TSPEAR: variants seen among roughly 807,000 people sequenced by gnomAD.
The protein encoded by TSPEAR is thrombospondin-type laminin G domain and EAR repeat-containing protein.
A neutral mutation model predicts 71.6 loss-of-function variants in TSPEAR; 69 were observed. The observed-to-expected ratio is 0.96, with a 90% CI of 0.79 to 1.18. The LOEUF (loss-of-function observed/expected upper bound fraction) is 1.18, where lower values mean the gene tolerates loss of function less well. Ranked by LOEUF, TSPEAR falls within the 50% of genes most tolerant of loss-of-function variation. The probability of loss-of-function intolerance (pLI) is 0.00; values close to 1 mark genes in which losing one functional copy is unlikely to be tolerated. For synonymous variants in TSPEAR, 402 were observed against 387.2 expected (o/e 1.04, Z -0.45); for missense variants, 971 against 894.9 (o/e 1.09, Z -1.09).
chr21:44,676,240 C>T (rs17284167), intron 1 of TSPEAR: 54,982 of 1,313,482 alleles, frequency 0.042, 1,342 homozygotes, highest in Middle Eastern at 0.066. Context: ...AGCATAAAAG[C>T]GGACTCTAAG....
intron 1 of TSPEAR, among the ~76,000 whole-genome samples, chr21:44,704,814 C>A (rs1358762677): frequency 1.5e-5 from 2 of 130,146 alleles, no homozygotes; most frequent in African/African-American, 5.5e-5. Context: ...GCAGCTCCCA[C>A]CCAGTGTCAC....
At position 44,585,427 on chromosome 21, in the gene TSPEAR, G is replaced by C. The variant is rs143955708; in HGVS notation, c.83-17422C>G. Among the ~76,000 whole-genome samples, 19 of 152,234 alleles carry C rather than the reference G, an allele frequency of 1.2e-4. No individual in the cohort carries two copies. In the East Asian group the frequency reaches 3.7e-3, roughly 29 times the overall value. On this transcript the variant is annotated intron_variant, in intron 1 of 11. Transcript: ENST00000323084. ...ATCCCCTCGGTCCCATCTTCTTTTA[G>C]TTCAAGGAACTTTTATTCCCATATG...
intron 8 of TSPEAR, among the ~76,000 whole-genome samples, chr21:44,523,778 A>C (rs1259971525): frequency 6.6e-6 from 1 of 151,064 alleles, no homozygotes; most frequent in African/African-American, 2.5e-5. Context: ...GTAGTTAATC[A>C]GTTAGTCAGT....
At chr21:44,624,485 A>G (rs782629640) in intron 1 of TSPEAR, among the ~76,000 whole-genome samples, 21 of 152,172 alleles carry the variant, frequency 1.4e-4, no homozygotes, top group Non-Finnish European at 2.6e-4. Context: ...TTCCAAGATG[A>G]TTTGAGCCTC....
At position 44,509,239 on chromosome 21, in the gene TSPEAR, C is replaced by G. The variant is rs140706843; in HGVS notation, c.1714G>C (p.Ala572Pro). 67 of 1,613,924 alleles carry G rather than the reference C, an allele frequency of 4.2e-5. No individual in the cohort carries two copies. Among genetic ancestry groups the G allele is most frequent in the Non-Finnish European group, 5.4e-5 (64 of 1,180,008 alleles). ...TCCTGGAACTTGACAAAGGCCTGCG[C>G]GGTCACGTTCAGCTCGTAGATGACG... is the stretch of plus-strand genomic sequence containing the variant. ...NSVIYELNVT[A>P]QAFVKFQDIL... The change falls in exon 10 of 12, where the codon GCG becomes CCG. Residue 572 changes from alanine (A) to proline (P), a missense_variant. Transcript: ENST00000323084.
intron 2 of TSPEAR, among the ~76,000 whole-genome samples, chr21:44,565,920 T>G (rs907007875): frequency 4.6e-5 from 7 of 152,204 alleles, no homozygotes; most frequent in African/African-American, 1.7e-4. Flanking sequence ...CAGAAATCAA[T>G]GGTATTTCAG....
At chr21:44,653,375 G>A (rs587776258) in intron 1 of TSPEAR, among the ~76,000 whole-genome samples, 52 of 152,196 alleles carry the variant, frequency 3.4e-4, no homozygotes, top group South Asian at 2.9e-3. Flanking sequence ...GCTGAAACCC[G>A]GGGCGGAGCC....
chr21:44,675,948 C>A, intron 1 of TSPEAR: 1 of 820,098 alleles, frequency 1.2e-6, no homozygotes, highest in South Asian at 1.3e-5. Flanking sequence ...TGTTTCGTTT[C>A]TAGGGTTATT....
chr21:44,628,946 G>C (rs1477768668), intron 1 of TSPEAR, among the ~76,000 whole-genome samples: 1 of 116,700 alleles, frequency 8.6e-6, no homozygotes, highest in Non-Finnish European at 1.9e-5. Context: ...GGTGGGTGGA[G>C]GGCCGGTGGG....
intron 1 of TSPEAR, among the ~76,000 whole-genome samples, chr21:44,616,037 C>G (rs905150567): frequency 6.6e-6 from 1 of 152,218 alleles, no homozygotes; most frequent in South Asian, 2.1e-4. Context: ...GGAGGCCACA[C>G]AGAGAAGACC....
intron 1 of TSPEAR, among the ~76,000 whole-genome samples, chr21:44,578,724 T>G (rs1978640977): frequency 6.6e-6 from 1 of 152,056 alleles, no homozygotes; most frequent in African/African-American, 2.4e-5. Context: ...GCCTACTTAC[T>G]AAAACAGTTC....
In TSPEAR at chr21:44,609,932, G is replaced by A. The variant is rs1364886640; in HGVS notation, c.83-41927C>T. Among the ~76,000 whole-genome samples, 3 of 152,120 alleles carry A rather than the reference G, an allele frequency of 2.0e-5. No individual in the cohort carries two copies. In the East Asian group the frequency reaches 5.8e-4, roughly 29 times the overall value. ...AGAGAAAGTACTTTCCTCCACAATA[G>A]GAAATCAGATCATACCTGAAATTGA... On this transcript the variant is annotated intron_variant, in intron 1 of 11. Transcript: ENST00000323084.
intron 3 of TSPEAR, among the ~76,000 whole-genome samples, chr21:44,532,053 A>G (rs1289376055): frequency 2.0e-5 from 3 of 152,206 alleles, no homozygotes; most frequent in Non-Finnish European, 4.4e-5. Context: ...CGTCCTCTGC[A>G]CACAGCTCGG....
intron 1 of TSPEAR, chr21:44,592,644 G>A (rs1259914628): frequency 1.2e-5 from 14 of 1,133,258 alleles, no homozygotes; most frequent in Non-Finnish European, 1.6e-5. Flanking sequence ...TTGTTCGCCC[G>A]TGATGTGGGC....
intron 1 of TSPEAR, chr21:44,601,425 C>T (rs782341522): frequency 7.4e-6 from 12 of 1,610,866 alleles, no homozygotes; most frequent in East Asian, 4.5e-5. Context: ...GCTGCGTGCC[C>T]GTCTGCTGTA....
intron 1 of TSPEAR, among the ~76,000 whole-genome samples, chr21:44,575,742 G>A (rs587751366): frequency 5.3e-5 from 8 of 152,280 alleles, no homozygotes; most frequent in South Asian, 2.1e-4. Flanking sequence ...AGTCTTCATC[G>A]ACATTGCCTA....
chr21:44,525,781 A>G lies in TSPEAR; in HGVS notation c.1208T>C (p.Ile403Thr), dbSNP rs782802752. The G allele has an allele frequency of 1.2e-6, 2 of 1,614,128 alleles. No homozygotes were observed. Among genetic ancestry groups the G allele is most frequent in the South Asian group, 1.1e-5 (1 of 91,074 alleles). Residue 403 changes from isoleucine to threonine, a missense_variant, in exon 8 of 12, where the codon ATT becomes ACT. Transcript: ENST00000323084. Reference protein sequence around the residue: ...PDEKGQEFSVIYKWSHRKLKF... With the variant: ...PDEKGQEFSVTYKWSHRKLKF... ...CAGCTTTCTGTGGCTCCATTTGTAAATGACAGAGAACTCCTGACCCTTCTC... is the reference window on the plus strand; with the variant it reads ...CAGCTTTCTGTGGCTCCATTTGTAAGTGACAGAGAACTCCTGACCCTTCTC...
intron 1 of TSPEAR, among the ~76,000 whole-genome samples, chr21:44,679,799 T>C (rs1986493146): frequency 6.6e-6 from 1 of 152,208 alleles, no homozygotes; most frequent in Non-Finnish European, 1.5e-5. Flanking sequence ...AGGACACCCC[T>C]TCAATAAATG....
At chr21:44,536,040 T>C (rs1033864840) in intron 2 of TSPEAR, among the ~76,000 whole-genome samples, 2 of 152,240 alleles carry the variant, frequency 1.3e-5, no homozygotes, top group Non-Finnish European at 2.9e-5. Flanking sequence ...AGAGGGACTC[T>C]TCTGTGGAAG....
Sources: gnomAD v4.1 joint callset for allele counts (sites outside exome capture counted in the v4.1 genomes callset) on GRCh38, gnomAD v4.1.1 for gene constraint, MANE v1.5 for transcripts, NCBI Gene and HGNC (gene_info 2026-07-23, HGNC 2026-07-21) for gene names.